Variants in KBTBD12 observed in about 807,000 individuals in gnomAD.
KBTBD12 encodes the protein kelch repeat and BTB domain-containing protein 12.
KBTBD12 carries 53 observed loss-of-function variants against 58.7 expected under a neutral mutation model. The ratio of observed to expected loss-of-function variants is 0.90; its 90% confidence interval spans 0.72 to 1.14. The LOEUF (loss-of-function observed/expected upper bound fraction) is 1.14, where lower values mean the gene tolerates loss of function less well. Among genes scored for constraint, KBTBD12 ranks in the 50% most tolerant of loss-of-function variants. The pLI, the probability that KBTBD12 is intolerant of heterozygous loss-of-function variation, is 0.00. For missense variants in KBTBD12, 704 were observed against 751.3 expected (o/e 0.94, Z 0.74); for synonymous variants, 236 against 259.8 (o/e 0.91, Z 0.88).
rs868275631 is a variant in KBTBD12 at position 127,924,038 on chromosome 3, G to A, written c.977G>A (p.Gly326Asp). The part of the protein sequence containing the change: ...YGEGLGTVCT[G>D]VVMENNTIIV... ...GAGGGTTTAGGAACTGTGTGTACTG[G>A]TGTTGTCATGGAAAATAATACTATA... The change falls in exon 2 of 6, where the codon GGT (glycine) becomes GAT (aspartate). Residue 326 changes from glycine to aspartate, a missense_variant. Gly to Asp is a moderately conservative substitution (Grantham distance 94). Coordinates refer to ENST00000405109, the MANE Select transcript of KBTBD12 (RefSeq NM_207335.4). The A allele has an allele frequency of 5.6e-6, 9 of 1,613,708 alleles. No individual in the cohort carries two copies. The highest frequency in any genetic ancestry group is 2.2e-5 in the East Asian group (1 of 44,876).
chr3:127,940,066 A>T (rs1230234541), intron 4 of KBTBD12, among the ~76,000 whole-genome samples: 1 of 152,202 alleles, frequency 6.6e-6, no homozygotes, highest in Non-Finnish European at 1.5e-5. Flanking sequence ...ACATAACAAT[A>T]CTAAATGTGT....
In KBTBD12 at chr3:127,984,692, G is replaced by T. The variant is rs963663364; in HGVS notation, c.*414G>T. ...ACAGCCAAGCAAGGGCCCAGAGACAGAAAGCTCGTGCCTGTCTGCAGTATC... is the reference window on the plus strand; with the variant it reads ...ACAGCCAAGCAAGGGCCCAGAGACATAAAGCTCGTGCCTGTCTGCAGTATC... On this transcript the variant is annotated 3_prime_UTR_variant, in exon 6 of 6. Coordinates refer to ENST00000405109, the MANE Select transcript of KBTBD12 (RefSeq NM_207335.4). 1 of 156,216 alleles carries T rather than the reference G, an allele frequency of 6.4e-6. No individual in the cohort carries two copies. Among genetic ancestry groups the T allele is most frequent in the African/African-American group, 2.4e-5 (1 of 41,540 alleles). 9.7% of individuals were successfully genotyped at this position (156,216 alleles called of 1,614,324 possible). A position where few individuals can be genotyped will look rare whatever the true frequency, so the allele number is the denominator to read the frequency against.
intron 5 of KBTBD12, among the ~76,000 whole-genome samples, chr3:127,973,926 G>A (rs1576395584): frequency 6.6e-6 from 1 of 152,166 alleles, no homozygotes; most frequent in East Asian, 1.9e-4. Flanking sequence ...TGGCATCCCC[G>A]TGCCCCCCAG....
In KBTBD12 at chr3:127,985,517, A is replaced by T. The variant is rs990296156; in HGVS notation, c.*1239A>T. The stretch of plus-strand genomic sequence containing the variant: ...CATTGCACAAGGCTCTTTTGGAAGC[A>T]GGAGTGGTCAGTAAATTCAGAGGGA... On this transcript the variant is annotated 3_prime_UTR_variant, in exon 6 of 6. Transcript: ENST00000405109. The T allele has an allele frequency of 8.5e-5, 13 of 152,338 alleles. No individual in the cohort carries two copies. The highest frequency in any genetic ancestry group is 3.1e-4 in the African/African-American group (13 of 41,476). 9.4% of individuals were successfully genotyped at this position (152,338 alleles called of 1,614,324 possible). A position where few individuals can be genotyped will look rare whatever the true frequency, so the allele number is the denominator to read the frequency against.
chr3:127,983,095 A>G (rs1336785774), intron 5 of KBTBD12, among the ~76,000 whole-genome samples: 1 of 152,238 alleles, frequency 6.6e-6, no homozygotes, highest in Non-Finnish European at 1.5e-5. Flanking sequence ...AATCATTCAT[A>G]TGGCATTGGA....
At chr3:127,951,045 A>T (rs1940193804) in intron 4 of KBTBD12, among the ~76,000 whole-genome samples, 1 of 152,208 alleles carries the variant, frequency 6.6e-6, no homozygotes, top group African/African-American at 2.4e-5. Context: ...AAGAAAAATG[A>T]GAAAGTTGTT....
intron 2 of KBTBD12, among the ~76,000 whole-genome samples, chr3:127,924,639 C>T (rs906674363): frequency 1.6e-4 from 24 of 151,366 alleles, no homozygotes; most frequent in African/African-American, 4.4e-4. Flanking sequence ...TTTTTTAGTT[C>T]GTAATTTAGA....
At chr3:127,956,006 A>G (rs1421433255) in intron 4 of KBTBD12, among the ~76,000 whole-genome samples, 1 of 152,226 alleles carries the variant, frequency 6.6e-6, no homozygotes, top group East Asian at 1.9e-4. Flanking sequence ...TTCATGATGA[A>G]CAAGGAAAGA....
At chr3:127,957,713 T>C (rs1474118159) in intron 4 of KBTBD12, among the ~76,000 whole-genome samples, 1 of 152,106 alleles carries the variant, frequency 6.6e-6, no homozygotes, top group Admixed American at 6.5e-5. Context: ...GACCCACCCA[T>C]GCATTCTGTT....
chr3:127,949,426 G>A (rs908845595), intron 4 of KBTBD12, among the ~76,000 whole-genome samples: 1 of 152,056 alleles, frequency 6.6e-6, no homozygotes, highest in Non-Finnish European at 1.5e-5. Flanking sequence ...TCTAAATGAG[G>A]GAGAGCCATT....
intron 4 of KBTBD12, among the ~76,000 whole-genome samples, chr3:127,955,359 T>A (rs1049416290): frequency 2.6e-5 from 4 of 152,142 alleles, no homozygotes; most frequent in African/African-American, 9.7e-5. Context: ...TGAATGCCAT[T>A]AAAGAGTAAT....
intron 5 of KBTBD12, among the ~76,000 whole-genome samples, chr3:127,973,167 A>G (rs1940714030): frequency 6.6e-6 from 1 of 152,202 alleles, no homozygotes; most frequent in African/African-American, 2.4e-5. Context: ...CACCACCACC[A>G]AAATACTTAA....
intron 5 of KBTBD12, among the ~76,000 whole-genome samples, chr3:127,969,361 C>CA (rs1940643085): frequency 6.6e-6 from 1 of 151,446 alleles, no homozygotes; most frequent in African/African-American, 2.4e-5. Flanking sequence ...GTAAATTTAA[C>CA]AAAAAAAGTA....
At position 127,927,773 on chromosome 3, in the gene KBTBD12, T is replaced by C. The variant is rs780732158; in HGVS notation, c.1080T>C (p.Asp360=). ...TCTCTCTCTTTTGCAGGTATCATGA[T>C]AGAGGAAACCAGTTTTGGGAAAAGT... is the stretch of plus-strand genomic sequence containing the variant. The part of the protein sequence containing the change: ...NKNVEIYRYH[D]RGNQFWEKLC... Residue 360 remains aspartate, a synonymous_variant, in exon 3 of 6, where the codon GAT becomes GAC. Coordinates refer to ENST00000405109, the MANE Select transcript of KBTBD12 (RefSeq NM_207335.4). The C allele has an allele frequency of 3.9e-6, 6 of 1,544,154 alleles. No individual in the cohort carries two copies. The highest frequency in any genetic ancestry group is 2.6e-5 in the South Asian group (2 of 78,272).
intron 5 of KBTBD12, among the ~76,000 whole-genome samples, chr3:127,979,941 G>C (rs895506336): frequency 6.6e-6 from 1 of 152,164 alleles, no homozygotes; most frequent in Non-Finnish European, 1.5e-5. Context: ...TCAGTGAAAG[G>C]GTAGTCAAGT....
At chr3:127,944,814 G>A (rs1940034894) in intron 4 of KBTBD12, among the ~76,000 whole-genome samples, 2 of 151,924 alleles carry the variant, frequency 1.3e-5, no homozygotes, top group Admixed American at 6.6e-5. Flanking sequence ...TCTCCTAAAT[G>A]GCCTTTACTG....
At chr3:127,926,538 G>A (rs1031232454) in intron 2 of KBTBD12, among the ~76,000 whole-genome samples, 1 of 152,108 alleles carries the variant, frequency 6.6e-6, no homozygotes, top group Non-Finnish European at 1.5e-5. Context: ...TCTACATTCA[G>A]CTGTGACAAG....
intron 1 of KBTBD12, among the ~76,000 whole-genome samples, chr3:127,919,454 T>C (rs1041291229): frequency 2.0e-5 from 3 of 152,218 alleles, no homozygotes; most frequent in African/African-American, 7.2e-5. Context: ...GGTCTCGAAC[T>C]CTTGACCTTG....
At chr3:127,979,089 A>G (rs772148416) in intron 5 of KBTBD12, among the ~76,000 whole-genome samples, 16 of 152,250 alleles carry the variant, frequency 1.1e-4, no homozygotes, top group Non-Finnish European at 1.6e-4. Context: ...TAACTGGGTC[A>G]GTTTTTGATT....
Sources: allele counts gnomAD v4.1 joint callset (sites outside exome capture counted in the v4.1 genomes callset), GRCh38; gene constraint gnomAD v4.1.1; transcripts MANE v1.5; gene names NCBI Gene and HGNC (gene_info 2026-07-23, HGNC 2026-07-21).